Variants in GRM1 observed in about 807,000 individuals in gnomAD.
The protein encoded by GRM1 is glutamate metabotropic receptor 1.
Under a neutral mutation model 90.9 loss-of-function variants are expected in GRM1, and 33 were observed. The ratio of observed to expected loss-of-function variants is 0.36; its 90% CI spans 0.28 to 0.49. GRM1 has a LOEUF of 0.49. Ranked by LOEUF, GRM1 falls within the 20% of genes least tolerant of loss-of-function variation. The probability of loss-of-function intolerance (pLI) is 0.99; values close to 1 mark genes in which losing one functional copy is unlikely to be tolerated. For synonymous variants in GRM1, 700 were observed against 613.2 expected, an observed-to-expected ratio of 1.14 and a Z score of -2.09; for missense variants, 1,190 against 1,534.3, an observed-to-expected ratio of 0.78 and a Z score of 3.75.
At chr6:146,395,992 T>G (rs1776910807) in intron 6 of GRM1, among the ~76,000 whole-genome samples, 1 of 152,164 alleles carries the variant, frequency 6.6e-6, no homozygotes. Flanking sequence ...GTAAATATTT[T>G]AATTTATTGA....
chr6:146,133,440 T>C (rs1282344455), intron 1 of GRM1, among the ~76,000 whole-genome samples: 1 of 152,242 alleles, frequency 6.6e-6, no homozygotes, highest in Non-Finnish European at 1.5e-5. Flanking sequence ...GGAAAAGATA[T>C]GGCATATAGA....
intron 1 of GRM1, among the ~76,000 whole-genome samples, chr6:146,115,657 G>T (rs1775716124): frequency 6.6e-6 from 1 of 151,964 alleles, no homozygotes; most frequent in Non-Finnish European, 1.5e-5. Flanking sequence ...CATATTTTTG[G>T]TGTTTATTTC....
intron 7 of GRM1, among the ~76,000 whole-genome samples, chr6:146,431,134 A>G (rs959472573): frequency 4.6e-5 from 7 of 152,160 alleles, no homozygotes; most frequent in African/African-American, 1.4e-4. Flanking sequence ...TTATCCTTGA[A>G]AAAAGATTAC....
chr6:146,135,119 A>G (rs1268718273), intron 1 of GRM1, among the ~76,000 whole-genome samples: 4 of 152,200 alleles, frequency 2.6e-5, no homozygotes, highest in Admixed American at 2.6e-4. Context: ...ATTTGCATAT[A>G]TATAAATTAT....
intron 1 of GRM1, among the ~76,000 whole-genome samples, chr6:146,032,611 A>G (rs1351371447): frequency 6.6e-6 from 1 of 152,166 alleles, no homozygotes; most frequent in African/African-American, 2.4e-5. Context: ...AATAGCAGAG[A>G]AGACCACATA....
At chr6:146,408,393 G>A (rs2300625) in intron 7 of GRM1, among the ~76,000 whole-genome samples, 30,700 of 151,990 alleles carry the variant, frequency 0.2, 7,175 homozygotes, top group African/African-American at 0.56. Context: ...ACTTCTATGT[G>A]TTTCAGTTAT....
chr6:146,215,381 T>C (rs1485651633), intron 2 of GRM1, among the ~76,000 whole-genome samples: 2 of 152,158 alleles, frequency 1.3e-5, no homozygotes, highest in South Asian at 2.1e-4. Flanking sequence ...TTGTCTCTTT[T>C]TTCTCAACCA....
chr6:146,262,126 C>T (rs138007093), intron 2 of GRM1, among the ~76,000 whole-genome samples: 124 of 150,964 alleles, frequency 8.2e-4, no homozygotes, highest in African/African-American at 2.7e-3. Flanking sequence ...GGTATAAACC[C>T]GAGCTAGCTT....
At chr6:146,397,675 A>G (rs1777015407) in intron 6 of GRM1, among the ~76,000 whole-genome samples, 1 of 152,062 alleles carries the variant, frequency 6.6e-6, no homozygotes, top group South Asian at 2.1e-4. Flanking sequence ...ACCTGTAGCA[A>G]TACGATTACT....
intron 3 of GRM1, among the ~76,000 whole-genome samples, chr6:146,341,050 T>G (rs572034174): frequency 1.3e-5 from 2 of 152,336 alleles, no homozygotes; most frequent in South Asian, 4.1e-4. Flanking sequence ...AGAGTTCTGC[T>G]GTACTACCAC....
intron 1 of GRM1, among the ~76,000 whole-genome samples, chr6:146,117,852 CT>C (rs1775815231): frequency 6.6e-6 from 1 of 151,918 alleles, no homozygotes. Context: ...AATTTAAGTT[CT>C]TGATTGTCAT....
At chr6:146,210,759 G>T (rs1779661958) in intron 2 of GRM1, among the ~76,000 whole-genome samples, 1 of 152,144 alleles carries the variant, frequency 6.6e-6, no homozygotes, top group East Asian at 1.9e-4. Flanking sequence ...TCTTTATTCT[G>T]AATTGATAGT....
chr6:146,369,551 T>G (rs932201601), intron 5 of GRM1, among the ~76,000 whole-genome samples: 5 of 151,978 alleles, frequency 3.3e-5, no homozygotes, highest in African/African-American at 1.2e-4. Flanking sequence ...ATTTTTAAAT[T>G]TTCTTCTTAA....
chr6:146,191,867 G>C (rs1409728625), intron 2 of GRM1, among the ~76,000 whole-genome samples: 1 of 152,078 alleles, frequency 6.6e-6, no homozygotes, highest in Non-Finnish European at 1.5e-5. Context: ...ACTTTGACAA[G>C]TTTTTGTGCT....
At chr6:146,052,921 T>A (rs1276076352) in intron 1 of GRM1, among the ~76,000 whole-genome samples, 1 of 152,032 alleles carries the variant, frequency 6.6e-6, no homozygotes, top group Non-Finnish European at 1.5e-5. Flanking sequence ...CCTAGAACAA[T>A]GCCTGATGCC....
intron 1 of GRM1, among the ~76,000 whole-genome samples, chr6:146,132,914 C>A (rs1442141271): frequency 1.3e-5 from 2 of 152,170 alleles, no homozygotes; most frequent in East Asian, 3.8e-4. Context: ...TTCTACCTGG[C>A]ATGTACATGC....
intron 2 of GRM1, among the ~76,000 whole-genome samples, chr6:146,279,503 CTG>C (rs1244856092): frequency 1.3e-5 from 2 of 152,052 alleles, no homozygotes; most frequent in Non-Finnish European, 2.9e-5. Context: ...TTTGAATAGA[CTG>C]TGTTTTAGTT....
chr6:146,104,979 G>T (rs1413138685), intron 1 of GRM1, among the ~76,000 whole-genome samples: 1 of 152,130 alleles, frequency 6.6e-6, no homozygotes, highest in East Asian at 1.9e-4. Context: ...TAGGCATGAG[G>T]GGATCTGCTG....
intron 1 of GRM1, among the ~76,000 whole-genome samples, chr6:146,118,194 C>T (rs1775838962): frequency 7.5e-6 from 1 of 133,668 alleles, no homozygotes; most frequent in Admixed American, 8.6e-5. Context: ...GGCTGGAGTG[C>T]AGTGGTGCGA....
Sources: gnomAD v4.1 joint callset for allele counts (sites outside exome capture counted in the v4.1 genomes callset) on GRCh38, gnomAD v4.1.1 for gene constraint, MANE v1.5 for transcripts, NCBI Gene and HGNC (gene_info 2026-07-23, HGNC 2026-07-21) for gene names.